The following FARP1 variants were observed in gnomAD, a reference collection of about 807,000 sequenced individuals.
FARP1 encodes FERM, ARH/RhoGEF and pleckstrin domain protein 1, also known as FERM, ARHGEF and pleckstrin domain-containing protein 1.
In FARP1, 52 loss-of-function variants were observed where a neutral mutation model predicts 128.8. The ratio of observed to expected loss-of-function variants is 0.40; its 90% CI spans 0.32 to 0.51. The LOEUF (loss-of-function observed/expected upper bound fraction) is 0.51. Among genes scored for constraint, FARP1 ranks in the 20% least tolerant of loss-of-function variants. The pLI is 0.45. For synonymous variants in FARP1, 580 were observed against 551.8 expected, an observed-to-expected ratio of 1.05 and a Z score of -0.72; for missense variants, 1,333 against 1,367.9, an observed-to-expected ratio of 0.97 and a Z score of 0.40.
At chr13:98,329,837 A>G (rs1464524833) in intron 2 of FARP1, 1 of 152,224 alleles carries the variant, frequency 6.6e-6, no homozygotes, top group East Asian at 1.9e-4. Flanking sequence ...TCTCGTGAAC[A>G]AAACAAGATC....
chr13:98,229,712 G>A (rs919724817), intron 2 of FARP1, among the ~76,000 whole-genome samples: 8 of 148,946 alleles, frequency 5.4e-5, no homozygotes, highest in Admixed American at 2.0e-4. Context: ...AATAAAGATG[G>A]CATCTTGCTT....
At chr13:98,296,060 C>T (rs1160554533) in intron 2 of FARP1, among the ~76,000 whole-genome samples, 3 of 152,100 alleles carry the variant, frequency 2.0e-5, no homozygotes, top group Non-Finnish European at 2.9e-5. Context: ...TTCCCAGGTG[C>T]GACACCAGCT....
In FARP1 at chr13:98,389,783, T is replaced by C. The variant is rs1323332645; in HGVS notation, c.856-174T>C. On this transcript the variant is annotated intron_variant, in intron 9 of 26. Transcript: ENST00000319562. ...AGAAAATGATGGACTAGGGACCACA[T>C]CTTGTCCTTAAGAATAACTAGAGTT... 8.2e-6 allele frequency: 5 copies of C among 607,732 alleles called. No individual in the cohort carries two copies. In the East Asian group the frequency reaches 1.1e-4, roughly 14 times the overall value. The allele number at this position is 607,732 out of a possible 1,614,324, so 37.6% of individuals were successfully genotyped here.
chr13:98,379,172 C>CTATATATAA (rs1191359290), intron 6 of FARP1, among the ~76,000 whole-genome samples: 1 of 83,342 alleles, frequency 1.2e-5, no homozygotes, highest in East Asian at 2.8e-4. Flanking sequence ...AATATATAAT[C>CTATATATAA]TATATATAAT....
At chr13:98,409,911 A>G (rs188991160) in intron 14 of FARP1, among the ~76,000 whole-genome samples, 2 of 152,224 alleles carry the variant, frequency 1.3e-5, no homozygotes, top group Non-Finnish European at 2.9e-5. Context: ...TGGATCATCC[A>G]TATGTAGCAT....
chr13:98,319,882 TG>T (rs1403893523), intron 2 of FARP1, among the ~76,000 whole-genome samples: 1 of 152,048 alleles, frequency 6.6e-6, no homozygotes, highest in Non-Finnish European at 1.5e-5. Context: ...GAAAATAAGT[TG>T]GAAAAAAAGT....
At chr13:98,391,501 G>A (rs1890304900) in intron 11 of FARP1, among the ~76,000 whole-genome samples, 1 of 152,168 alleles carries the variant, frequency 6.6e-6, no homozygotes, top group Admixed American at 6.5e-5. Flanking sequence ...AAACTCCTGG[G>A]CTCAAGCCAT....
chr13:98,391,883 CT>C (rs1490345019), intron 11 of FARP1, among the ~76,000 whole-genome samples: 1 of 152,188 alleles, frequency 6.6e-6, no homozygotes, highest in African/African-American at 2.4e-5. Flanking sequence ...GCCTCAAGAA[CT>C]AGTTACTGCA....
intron 6 of FARP1, among the ~76,000 whole-genome samples, chr13:98,380,409 A>G (rs1889846144): frequency 6.6e-6 from 1 of 151,312 alleles, no homozygotes; most frequent in South Asian, 2.1e-4. Context: ...CCTGGGCGAC[A>G]GAGTGAGACT....
At chr13:98,153,765 T>C (rs1192431134) in intron 1 of FARP1, among the ~76,000 whole-genome samples, 8 of 151,658 alleles carry the variant, frequency 5.3e-5, no homozygotes, top group Non-Finnish European at 1.0e-4. Context: ...GCTTTCATCA[T>C]GTTGGCCAGG....
intron 2 of FARP1, chr13:98,334,286 C>T (rs1168601831): frequency 2.6e-5 from 4 of 152,186 alleles, no homozygotes; most frequent in African/African-American, 9.7e-5. Flanking sequence ...CTCAAGTGTC[C>T]AGGGCTCAAG....
chr13:98,301,289 T>C (rs1328041806), intron 2 of FARP1, among the ~76,000 whole-genome samples: 1 of 152,238 alleles, frequency 6.6e-6, no homozygotes, highest in African/African-American at 2.4e-5. Flanking sequence ...GGGCTTTCTC[T>C]GGTCCACGTG....
At chr13:98,320,140 T>C (rs530649665) in intron 2 of FARP1, among the ~76,000 whole-genome samples, 1 of 152,172 alleles carries the variant, frequency 6.6e-6, no homozygotes, top group East Asian at 1.9e-4. Flanking sequence ...CAGACCTGCA[T>C]GCTTAGTGTC....
At chr13:98,218,637 T>A (rs1881239306) in intron 2 of FARP1, among the ~76,000 whole-genome samples, 1 of 152,156 alleles carries the variant, frequency 6.6e-6, no homozygotes, top group African/African-American at 2.4e-5. Flanking sequence ...AGCTATGTGA[T>A]GAGAGTGAAG....
chr13:98,236,247 A>G (rs570465104), intron 2 of FARP1, among the ~76,000 whole-genome samples: 2 of 152,332 alleles, frequency 1.3e-5, no homozygotes, highest in South Asian at 4.1e-4. Flanking sequence ...TAGCCGGGAA[A>G]AAGTGATTTT....
At chr13:98,293,276 A>G (rs1191505661) in intron 2 of FARP1, among the ~76,000 whole-genome samples, 3 of 152,162 alleles carry the variant, frequency 2.0e-5, no homozygotes, top group Non-Finnish European at 2.9e-5. Context: ...TTACCAAGCT[A>G]AGGAGGTCTG....
At chr13:98,226,170 G>A (rs1055454781) in intron 2 of FARP1, among the ~76,000 whole-genome samples, 5 of 152,230 alleles carry the variant, frequency 3.3e-5, no homozygotes, top group African/African-American at 9.6e-5. Flanking sequence ...AGATCAAGGT[G>A]TCTTCAGGGT....
chr13:98,177,498 T>C (rs373868658), intron 1 of FARP1, among the ~76,000 whole-genome samples: 37 of 151,826 alleles, frequency 2.4e-4, no homozygotes, highest in African/African-American at 8.7e-4. Context: ...AATACAAAAA[T>C]TACCTGGGTG....
At chr13:98,243,628 C>T (rs1245110589) in intron 2 of FARP1, among the ~76,000 whole-genome samples, 2 of 139,064 alleles carry the variant, frequency 1.4e-5, no homozygotes, top group African/African-American at 2.8e-5. Context: ...ACCCAGGAGG[C>T]GGAGGTTGCA....
Sources: gnomAD v4.1 joint callset for allele counts (sites outside exome capture counted in the v4.1 genomes callset) on GRCh38, gnomAD v4.1.1 for gene constraint, MANE v1.5 for transcripts, NCBI Gene and HGNC (gene_info 2026-07-23, HGNC 2026-07-21) for gene names.